INVS: variants seen among roughly 807,000 people sequenced by gnomAD.
INVS encodes the protein inversin, also known as inversion of embryo turning homolog.
In INVS, 86 loss-of-function variants were observed where a neutral mutation model predicts 108.8. The ratio of observed to expected loss-of-function variants is 0.79; its 90% CI spans 0.66 to 0.95. The LOEUF is 0.95. Among genes scored for constraint, INVS ranks in the 40% least tolerant of loss-of-function variants. The pLI is 0.00. For synonymous variants in INVS, 455 were observed against 473.5 expected (o/e 0.96, Z 0.51); for missense variants, 1,169 against 1,297.4 (o/e 0.90, Z 1.52).
At chr9:100,171,939 G>A (rs1829555024) in intron 3 of INVS, among the ~76,000 whole-genome samples, 1 of 151,978 alleles carries the variant, frequency 6.6e-6, no homozygotes, top group Non-Finnish European at 1.5e-5. Context: ...AAATACTCTG[G>A]ACTTCTGTTT....
At chr9:100,179,538 G>C (rs1053674668) in intron 3 of INVS, among the ~76,000 whole-genome samples, 3 of 150,842 alleles carry the variant, frequency 2.0e-5, no homozygotes, top group African/African-American at 7.3e-5. Context: ...GATCAAAAAA[G>C]ACAAACAAGG....
chr9:100,298,542 T>C (rs1490602516), intron 16 of INVS, among the ~76,000 whole-genome samples: 1 of 151,930 alleles, frequency 6.6e-6, no homozygotes, highest in Admixed American at 6.6e-5. Flanking sequence ...TAAATATGGG[T>C]GATAAGTTCA....
intron 3 of INVS, among the ~76,000 whole-genome samples, chr9:100,181,300 A>G (rs1829880847): frequency 6.6e-6 from 1 of 152,206 alleles, no homozygotes; most frequent in African/African-American, 2.4e-5. Flanking sequence ...AATAAAGGGT[A>G]TTCAAATAGG....
intron 3 of INVS, among the ~76,000 whole-genome samples, chr9:100,161,613 AGATGGATGGATG>A (rs553912870): frequency 6.6e-5 from 10 of 151,756 alleles, no homozygotes; most frequent in Non-Finnish European, 1.3e-4. Flanking sequence ...GTGGCTGGCC[AGATGGATGGATG>A]GATGGATGGA....
chr9:100,257,087 G>A (rs578079719), intron 10 of INVS, among the ~76,000 whole-genome samples: 68 of 152,246 alleles, frequency 4.5e-4, no homozygotes, highest in Non-Finnish European at 8.2e-4. Context: ...ATGAATCTGG[G>A]TGCTCCTGTA....
chr9:100,114,018 T>C (rs1036912420), intron 2 of INVS, among the ~76,000 whole-genome samples: 7 of 152,358 alleles, frequency 4.6e-5, no homozygotes, highest in Non-Finnish European at 4.4e-5. Flanking sequence ...GATGATTATC[T>C]GTAACAAAAG....
chr9:100,133,057 A>G (rs1055035514), intron 3 of INVS, among the ~76,000 whole-genome samples: 24 of 152,310 alleles, frequency 1.6e-4, no homozygotes, highest in African/African-American at 4.8e-4. Context: ...GTGAGCGGAT[A>G]TTGCACCACT....
At position 100,252,308 on chromosome 9, in the gene INVS, C is replaced by T. The variant is rs775686671; in HGVS notation, c.1104C>T (p.Gly368=). 8.1e-6 allele frequency: 13 copies of T among 1,613,902 alleles called. No individual in the cohort carries two copies. The Admixed American group carries it at 1.3e-4, about 17-fold the overall frequency. The part of the protein sequence containing the change: ...GTALHAAALS[G]HVSTVKLLLE... The stretch of plus-strand genomic sequence containing the variant: ...CTTTGCATGCTGCTGCTCTTTCTGG[C>T]CATGTCAGCACCGTGAAGTTATTAC... Residue 368 remains glycine, a synonymous_variant, in exon 9 of 17, where the codon GGC becomes GGT. Transcript: ENST00000262457.
chr9:100,193,739 A>T (rs1354484722), intron 3 of INVS, among the ~76,000 whole-genome samples: 1 of 152,194 alleles, frequency 6.6e-6, no homozygotes, highest in Non-Finnish European at 1.5e-5. Flanking sequence ...ATTATTTTGA[A>T]ATTCATTCAT....
chr9:100,217,176 G>A (rs1264403449), intron 3 of INVS, among the ~76,000 whole-genome samples: 3 of 152,054 alleles, frequency 2.0e-5, no homozygotes, highest in Admixed American at 6.6e-5. Flanking sequence ...AGGCATGGGG[G>A]CACACACCTA....
intron 5 of INVS, among the ~76,000 whole-genome samples, chr9:100,232,719 GT>G (rs2118448918): frequency 6.6e-6 from 1 of 152,216 alleles, no homozygotes; most frequent in African/African-American, 2.4e-5. Flanking sequence ...CTATATATCT[GT>G]TTTGGTACAA....
chr9:100,165,495 G>A (rs1202726677), intron 3 of INVS, among the ~76,000 whole-genome samples: 5 of 152,004 alleles, frequency 3.3e-5, no homozygotes, highest in Admixed American at 6.6e-5. Flanking sequence ...TTACTCAATG[G>A]TACAGTTCAT....
rs1372243883 is a variant in INVS at position 100,301,990 on chromosome 9, A to T, written c.*1316A>T. ...AATGCACAACCGCCTATGACCATGT[A>T]TCGTGTGCTAGTCCGGGAAGCCAGC... On this transcript the variant is annotated 3_prime_UTR_variant, in exon 17 of 17. Transcript: ENST00000262457. 2.2e-6 allele frequency: 1 copy of T among 450,108 alleles called. No homozygotes were observed. The highest frequency in any genetic ancestry group is 1.9e-5 in the African/African-American group (1 of 51,884). 27.9% of individuals were successfully genotyped at this position (450,108 alleles called of 1,614,324 possible).
chr9:100,256,452 T>C (rs1447974388), intron 10 of INVS, among the ~76,000 whole-genome samples: 4 of 152,244 alleles, frequency 2.6e-5, no homozygotes, highest in Non-Finnish European at 5.9e-5. Context: ...TCTTGCCTTC[T>C]GCTAGCTTTT....
intron 10 of INVS, among the ~76,000 whole-genome samples, chr9:100,259,928 G>C (rs1165567804): frequency 1.3e-5 from 2 of 152,012 alleles, no homozygotes; most frequent in Non-Finnish European, 2.9e-5. Flanking sequence ...CTGGAGTGCA[G>C]TGGCACCATC....
At chr9:100,187,588 G>A (rs190383310) in intron 3 of INVS, among the ~76,000 whole-genome samples, 7 of 146,558 alleles carry the variant, frequency 4.8e-5, no homozygotes, top group East Asian at 2.0e-4. Context: ...GGGCAGTGGC[G>A]TGATCTCAGC....
At chr9:100,125,321 G>A (rs902550160) in intron 2 of INVS, among the ~76,000 whole-genome samples, 2 of 152,324 alleles carry the variant, frequency 1.3e-5, no homozygotes, top group East Asian at 3.9e-4. Context: ...TGTGTTTTGA[G>A]TAGAGCATAG....
chr9:100,187,515 T>C lies in INVS; in HGVS notation c.274-38547T>C, dbSNP rs983043419. Reference sequence around the variant, plus strand: ...GATGTGTTTCCATTTGTTTGTATCATCTATGATTTCTTTTTTTTTTTTTTT... The same window carrying C: ...GATGTGTTTCCATTTGTTTGTATCACCTATGATTTCTTTTTTTTTTTTTTT... On this transcript the variant is annotated intron_variant, in intron 3 of 16. Transcript: ENST00000262457. Among the ~76,000 whole-genome samples, 3 of 147,102 alleles carry C rather than the reference T, an allele frequency of 2.0e-5. No homozygotes were observed. The Admixed American group carries it at 2.0e-4, about 10-fold the overall frequency.
At chr9:100,249,529 C>G (rs1832152895) in intron 8 of INVS, among the ~76,000 whole-genome samples, 1 of 151,978 alleles carries the variant, frequency 6.6e-6, no homozygotes, top group Non-Finnish European at 1.5e-5. Context: ...GAGTCTCACT[C>G]TCTTGCCCGG....
Sources: gnomAD v4.1 joint callset for allele counts (sites outside exome capture counted in the v4.1 genomes callset) on GRCh38, gnomAD v4.1.1 for gene constraint, MANE v1.5 for transcripts, NCBI Gene and HGNC (gene_info 2026-07-23, HGNC 2026-07-21) for gene names.